The following RAB38 variants were observed in gnomAD, a reference collection of about 807,000 sequenced individuals.
RAB38 encodes ras-related protein Rab-38.
In RAB38, 15 loss-of-function variants were observed where a neutral mutation model predicts 18.4. That is an observed-to-expected ratio of 0.82 (90% CI 0.55 to 1.26). The LOEUF is 1.26. RAB38 is among the 50% of genes most tolerant of loss of function. The probability of loss-of-function intolerance (pLI) is 0.00; values close to 1 mark genes in which losing one functional copy is unlikely to be tolerated. For synonymous variants in RAB38, 101 were observed against 104.4 expected (o/e 0.97, Z 0.20); for missense variants, 294 against 267.4 (o/e 1.10, Z -0.69).
chr11:87,858,211 C>A, the RAB38 span, among the ~76,000 whole-genome samples: 1 of 152,092 alleles, frequency 6.6e-6, no homozygotes, highest in Non-Finnish European at 1.5e-5. Flanking sequence ...CTGTTCTGTT[C>A]CATTGGTCTA....
At chr11:87,960,416 G>A in the RAB38 span, among the ~76,000 whole-genome samples, 5 of 151,200 alleles carry the variant, frequency 3.3e-5, no homozygotes, top group East Asian at 1.9e-4. Context: ...AGACTTTAAC[G>A]TTCAAAGGAC....
At chr11:88,084,896 T>C in the RAB38 span, among the ~76,000 whole-genome samples, 1 of 151,934 alleles carries the variant, frequency 6.6e-6, no homozygotes, top group Non-Finnish European at 1.5e-5. Flanking sequence ...TAAGCAACTC[T>C]TCACAGTAGG....
chr11:88,116,207 A>T (rs1367171325), intron 2 of RAB38, among the ~76,000 whole-genome samples: 1 of 152,200 alleles, frequency 6.6e-6, no homozygotes, highest in Non-Finnish European at 1.5e-5. Context: ...GAGCCCTGCC[A>T]CTTGCTATGT....
chr11:88,063,446 A>G, the RAB38 span, among the ~76,000 whole-genome samples: 164 of 152,294 alleles, frequency 1.1e-3, 4 homozygotes, highest in East Asian at 0.019. Flanking sequence ...AGAAAAATGC[A>G]TGAAGAGAAA....
chr11:88,086,275 C>A, the RAB38 span, among the ~76,000 whole-genome samples: 69 of 151,844 alleles, frequency 4.5e-4, no homozygotes, highest in East Asian at 0.013. Flanking sequence ...AGTAAAATTG[C>A]GTAAACATAT....
chr11:88,110,543 G>A (rs1336961130), downstream of RAB38, among the ~76,000 whole-genome samples: 2 of 152,008 alleles, frequency 1.3e-5, no homozygotes, highest in African/African-American at 4.8e-5. Flanking sequence ...TAAAGGCCAG[G>A]CGTGGTGGCT....
the RAB38 span, among the ~76,000 whole-genome samples, chr11:88,049,630 G>A: frequency 6.6e-5 from 10 of 152,270 alleles, no homozygotes; most frequent in Admixed American, 4.6e-4. Flanking sequence ...ATGGACGCGC[G>A]TGAAATTTGG....
chr11:88,072,929 G>C, the RAB38 span, among the ~76,000 whole-genome samples: 3 of 152,074 alleles, frequency 2.0e-5, no homozygotes, highest in East Asian at 5.8e-4. Flanking sequence ...TTAAGTCTGA[G>C]GAAAAGACAA....
rs77305529 is a variant in RAB38, at chr11:88,153,359, G to A, written c.203-3404C>T. On this transcript the variant is annotated intron_variant, in intron 1 of 2. Transcript: ENST00000243662. ...TACACACAAACATCACAGCTAAAAT[G>A]TATATCTAGCAGTATTTTTACTTCC... is the stretch of plus-strand genomic sequence containing the variant. Among the ~76,000 whole-genome samples the A allele has an allele frequency of 6.2e-3, 938 of 152,254 alleles. 8 individuals are homozygous for A. The highest frequency in any genetic ancestry group is 0.022 in the African/African-American group (896 of 41,546).
At chr11:87,925,898 C>G in the RAB38 span, among the ~76,000 whole-genome samples, 9 of 152,030 alleles carry the variant, frequency 5.9e-5, no homozygotes, top group Non-Finnish European at 1.2e-4. Flanking sequence ...ACGAACTCAT[C>G]TAAGGCTTCT....
the RAB38 span, among the ~76,000 whole-genome samples, chr11:88,054,478 C>A: frequency 4.6e-5 from 7 of 152,178 alleles, no homozygotes; most frequent in African/African-American, 1.4e-4. Context: ...CAAATATTAA[C>A]CTGGGAATGC....
chr11:88,154,318 G>T (rs546787266), intron 1 of RAB38, among the ~76,000 whole-genome samples: 1 of 152,314 alleles, frequency 6.6e-6, no homozygotes, highest in South Asian at 2.1e-4. Flanking sequence ...CTCTAGAGCT[G>T]CATAGGAGCC....
chr11:88,135,092 A>G (rs1942817416), intron 2 of RAB38, among the ~76,000 whole-genome samples: 2 of 151,798 alleles, frequency 1.3e-5, no homozygotes, highest in African/African-American at 4.9e-5. Context: ...TCAAATATTT[A>G]CCTTAAAAAC....
the RAB38 span, among the ~76,000 whole-genome samples, chr11:87,901,537 A>G: frequency 6.6e-6 from 1 of 151,608 alleles, no homozygotes; most frequent in Admixed American, 6.6e-5. Flanking sequence ...CTGAAGGCAC[A>G]TGGAAGCATA....
Position 88,173,565 on chromosome 11 carries a change from C to A in RAB38, c.202+1618G>T, listed in dbSNP as rs902420612. On this transcript the variant is annotated intron_variant, in intron 1 of 2. Transcript: ENST00000243662. The stretch of plus-strand genomic sequence containing the variant: ...GACATAGAACTTCTCTGCTGTCATG[C>A]TGTTACCTGGATTGTACACAGAAGT... 5.1e-6 allele frequency: 5 copies of A among 985,338 alleles called. No individual in the cohort carries two copies. In the African/African-American group the frequency reaches 8.7e-5, roughly 17 times the overall value. The allele number at this position is 985,338 out of a possible 1,614,324, so 61.0% of individuals were successfully genotyped here. A position where few individuals can be genotyped will look rare whatever the true frequency, so the allele number is the denominator to read the frequency against.
At chr11:87,891,517 G>A in the RAB38 span, among the ~76,000 whole-genome samples, 69 of 151,946 alleles carry the variant, frequency 4.5e-4, no homozygotes, top group Non-Finnish European at 7.8e-4. Context: ...TTTACTGGCA[G>A]AAAGTAGGTG....
At chr11:88,096,690 G>A in the RAB38 span, among the ~76,000 whole-genome samples, 1 of 151,790 alleles carries the variant, frequency 6.6e-6, no homozygotes, top group Non-Finnish European at 1.5e-5. Context: ...AATGATGGAA[G>A]GAAATAAAGC....
the RAB38 span, among the ~76,000 whole-genome samples, chr11:87,962,125 C>T: frequency 6.6e-6 from 1 of 152,222 alleles, no homozygotes; most frequent in Non-Finnish European, 1.5e-5. Context: ...TTGATTTATC[C>T]TCCCTTCCTC....
chr11:87,915,627 C>T, the RAB38 span, among the ~76,000 whole-genome samples: 21 of 152,238 alleles, frequency 1.4e-4, 1 homozygote, highest in Admixed American at 1.1e-3. Flanking sequence ...TAATCCACCC[C>T]TTGTTTAGTA....
Sources: gnomAD v4.1 joint callset for allele counts (sites outside exome capture counted in the v4.1 genomes callset) on GRCh38, gnomAD v4.1.1 for gene constraint, MANE v1.5 for transcripts, NCBI Gene and HGNC (gene_info 2026-07-23, HGNC 2026-07-21) for gene names.